The following HP1BP3 variants were observed in gnomAD, a reference collection of about 807,000 sequenced individuals.
HP1BP3 encodes heterochromatin protein 1-binding protein 3.
A neutral mutation model predicts 62.5 loss-of-function variants in HP1BP3; 12 were observed. That is an observed-to-expected ratio of 0.19 (90% CI 0.12 to 0.31). HP1BP3 has a LOEUF of 0.31. Among genes scored for constraint, HP1BP3 ranks in the 10% least tolerant of loss-of-function variants. HP1BP3 has a pLI of 1.00. For missense variants in HP1BP3, 502 were observed against 651.8 expected (o/e 0.77, Z 2.50); for synonymous variants, 260 against 237.8 (o/e 1.09, Z -0.86).
At position 20,742,033 on chromosome 1, in the gene HP1BP3, C is replaced by T. The variant is rs1380260629; in HGVS notation, c.*2764G>A. Among the ~76,000 whole-genome samples, 1 of 152,240 alleles carries T rather than the reference C, an allele frequency of 6.6e-6. No homozygotes were observed. The highest frequency in any genetic ancestry group is 1.9e-4 in the East Asian group (1 of 5,200). The stretch of plus-strand genomic sequence containing the variant: ...TCCCTTTACATCACACTGAAACAAA[C>T]TGTCCTTATAGTTAACAGAACGTTA... On this transcript the variant is annotated 3_prime_UTR_variant, in exon 13 of 13. Transcript: ENST00000438032.
Position 20,744,831 on chromosome 1 carries a change from G to A in HP1BP3, c.1628C>T (p.Ser543Phe). The A allele has an allele frequency of 6.2e-7, 1 of 1,612,908 alleles. No homozygotes were observed. Among genetic ancestry groups the A allele is most frequent in the East Asian group, 2.2e-5 (1 of 44,870 alleles). Residue 543 changes from serine to phenylalanine, a missense_variant, in exon 13 of 13, where the codon TCC becomes TTC. By Grantham distance (155) the Ser-to-Phe change is radical (BLOSUM62 -2). Transcript: ENST00000438032. ...CACTCTGAAAGACTTCTTCATGGTG[G>A]ATTTGCCCTTGCCCGGCAATTTTAC... ...KEVKLPGKGK[S>F]TMKKSFRVKK
rs12078784 is a variant in HP1BP3 at position 20,757,372 on chromosome 1, A to T, written c.891-116T>A. Reference sequence around the variant, plus strand: ...AGTTCTGATTACTATTATTATTATTATTTTTTTTTTTTTTTTGAGGTGGAG... The same window carrying T: ...AGTTCTGATTACTATTATTATTATTTTTTTTTTTTTTTTTTTGAGGTGGAG... On this transcript the variant is annotated intron_variant, in intron 8 of 12. Coordinates refer to ENST00000438032, the MANE Select transcript of HP1BP3 (RefSeq NM_001372052.1). 2,294 of 334,194 alleles carry T rather than the reference A, an allele frequency of 6.9e-3. 16 individuals are homozygous for T. Among genetic ancestry groups the T allele is most frequent in the Non-Finnish European group, 7.3e-3 (1,479 of 203,468 alleles). The allele number at this position is 334,194 out of a possible 1,614,324, so 20.7% of individuals were successfully genotyped here.
chr1:20,765,288 C>T (rs1050322045), intron 8 of HP1BP3, 89 bp downstream of exon 8: 4 of 783,084 alleles, frequency 5.1e-6, no homozygotes, highest in Non-Finnish European at 7.6e-6. Flanking sequence ...GTAATCCTTC[C>T]TCAGTATTTA....
chr1:20,773,870 A>G (rs962674450), intron 4 of HP1BP3: 7 of 273,724 alleles, frequency 2.6e-5, no homozygotes, highest in Non-Finnish European at 3.4e-5. Context: ...AGGGCTCAGT[A>G]CATAAGACAA....
intron 9 of HP1BP3, among the ~76,000 whole-genome samples, chr1:20,753,791 G>A (rs1375379997): frequency 2.0e-5 from 3 of 152,102 alleles, no homozygotes; most frequent in Non-Finnish European, 4.4e-5. Flanking sequence ...AACAGACACT[G>A]AAAAACCACT....
rs752053193 is a variant in HP1BP3 at position 20,745,593 on chromosome 1, A to G, written c.1317T>C (p.Asp439=). The change falls in exon 12 of 13, where the codon GAT becomes GAC. Residue 439 remains aspartate (D), a synonymous_variant. Coordinates refer to ENST00000438032, the MANE Select transcript of HP1BP3 (RefSeq NM_001372052.1). The part of the protein sequence containing the change: ...DDSRDEDEDE[D]ESSEEDSEDE... ...CCTCAGAGTCTTCTTCTGATGACTC[A>G]TCTTCATCTTCATCCTCATCTCTAG... 14 of 1,612,332 alleles carry G rather than the reference A, an allele frequency of 8.7e-6. No individual in the cohort carries two copies. Among genetic ancestry groups the G allele is most frequent in the Non-Finnish European group, 1.2e-5 (14 of 1,178,450 alleles).
chr1:20,754,236 A>G (rs1456237166), intron 9 of HP1BP3, among the ~76,000 whole-genome samples: 1 of 152,214 alleles, frequency 6.6e-6, no homozygotes, highest in African/African-American at 2.4e-5. Flanking sequence ...GAAAATTAGA[A>G]AACACTTCCA....
At chr1:20,779,957 C>A in intron 2 of HP1BP3, 46 bp from the exon 3 acceptor site, 2 of 1,464,180 alleles carry the variant, frequency 1.4e-6, no homozygotes, top group South Asian at 1.2e-5. Context: ...AAAAAATTCT[C>A]TTTTCTCTCT....
intron 5 of HP1BP3, among the ~76,000 whole-genome samples, chr1:20,771,773 A>C (rs2057072026): frequency 6.6e-6 from 1 of 152,220 alleles, no homozygotes; most frequent in East Asian, 1.9e-4. Flanking sequence ...CACTGACTTG[A>C]AATCAAATAC....
intron 2 of HP1BP3, 42 bp from the exon 3 acceptor site, chr1:20,779,953 TTC>T (rs2057469939): frequency 6.7e-7 from 1 of 1,482,894 alleles, no homozygotes; most frequent in African/African-American, 1.4e-5. Flanking sequence ...CATTAAAAAA[TTC>T]TCTTTTCTCT....
chr1:20,780,693 C>T (rs2057503349), intron 1 of HP1BP3, among the ~76,000 whole-genome samples, 153 bp from the exon 2 acceptor site: 1 of 152,058 alleles, frequency 6.6e-6, no homozygotes, highest in Admixed American at 6.6e-5. Flanking sequence ...ATAAAACTAC[C>T]AAAATATAGA....
At chr1:20,774,100 TAA>T (rs1265359786) in intron 4 of HP1BP3, 2 of 152,378 alleles carry the variant, frequency 1.3e-5, no homozygotes, top group African/African-American at 4.8e-5. Context: ...GCAAGAATTA[TAA>T]GAGTATGTTT....
chr1:20,774,457 G>A (rs570056099), intron 4 of HP1BP3: 1 of 152,244 alleles, frequency 6.6e-6, no homozygotes, highest in South Asian at 2.1e-4. Context: ...GAAGATTATA[G>A]CTAGAAGGTA....
At chr1:20,774,508 T>TAAC (rs2057210867) in intron 4 of HP1BP3, 4 of 152,284 alleles carry the variant, frequency 2.6e-5, no homozygotes, top group Admixed American at 2.6e-4. Context: ...ATGTGCTGTG[T>TAAC]AACAATATTT....
rs947365714 is a variant in HP1BP3 at position 20,744,479 on chromosome 1, A to G, written c.*318T>C. Reference sequence around the variant, plus strand: ...GCAACTGTTTAGATAAAATTGGAAGAAAAAAAAAAGGCAAAGCTGACCATA... The same window carrying G: ...GCAACTGTTTAGATAAAATTGGAAGGAAAAAAAAAGGCAAAGCTGACCATA... On this transcript the variant is annotated 3_prime_UTR_variant, in exon 13 of 13. Coordinates refer to ENST00000438032, the MANE Select transcript of HP1BP3 (RefSeq NM_001372052.1). 2.5e-5 allele frequency: 5 copies of G among 199,774 alleles called. No homozygotes were observed. The highest frequency in any genetic ancestry group is 4.0e-5 in the Non-Finnish European group (4 of 99,360). The allele number at this position is 199,774 out of a possible 1,614,324, so 12.4% of individuals were successfully genotyped here.
chr1:20,766,308 A>G (rs1332255593), intron 7 of HP1BP3, among the ~76,000 whole-genome samples: 3 of 152,162 alleles, frequency 2.0e-5, no homozygotes, highest in Non-Finnish European at 4.4e-5. Flanking sequence ...CACACACAAA[A>G]AACACACATA....
chr1:20,771,358 T>C (rs888421938), intron 5 of HP1BP3, among the ~76,000 whole-genome samples: 2 of 152,352 alleles, frequency 1.3e-5, no homozygotes, highest in Admixed American at 1.3e-4. Flanking sequence ...AATTCCATTC[T>C]GTATTTAGAA....
chr1:20,757,101 A>G lies in HP1BP3; in HGVS notation c.981+65T>C, dbSNP rs961441305. The G allele has an allele frequency of 3.0e-5, 28 of 938,926 alleles. No homozygotes were observed. The Admixed American group carries it at 5.8e-4, about 19-fold the overall frequency. 58.2% of individuals were successfully genotyped at this position (938,926 alleles called of 1,614,324 possible). On this transcript the variant is annotated intron_variant, in intron 9 of 12. Coordinates refer to ENST00000438032, the MANE Select transcript of HP1BP3 (RefSeq NM_001372052.1). ...GGTCCTCAATAAATTTTTACAGTAT[A>G]AGGAGGTCCTGAAACCAAAAACTTT...
rs141968096 is a variant in HP1BP3 at position 20,779,901 on chromosome 1, T to A, written c.107A>T (p.Asp36Val). The change falls in exon 3 of 13, where the codon GAT becomes GTT. Residue 36 changes from aspartate to valine, a missense_variant. By Grantham distance (152) the Asp-to-Val change is radical (BLOSUM62 -3). Transcript: ENST00000438032. ...HADKLGEKVE[D>V]STMPIRRTVN... ...AGTTCGACGAATCGGCATGGTGCTA[T>A]CTTCTACCTTCTAAGAAAAGAGATG... 9 of 1,609,718 alleles carry A rather than the reference T, an allele frequency of 5.6e-6. No individual in the cohort carries two copies. Among genetic ancestry groups the A allele is most frequent in the Non-Finnish European group, 7.6e-6 (9 of 1,178,478 alleles).
Sources: allele counts gnomAD v4.1 joint callset (sites outside exome capture counted in the v4.1 genomes callset), GRCh38; gene constraint gnomAD v4.1.1; transcripts MANE v1.5; gene names NCBI Gene and HGNC (gene_info 2026-07-23, HGNC 2026-07-21).